Variants in PPFIA2 observed in about 807,000 individuals in gnomAD.
PPFIA2 encodes PPFI scaffold protein A2.
A neutral mutation model predicts 175.5 loss-of-function variants in PPFIA2; 46 were observed. That is an observed-to-expected ratio of 0.26 (90% CI 0.21 to 0.34). The LOEUF is 0.34. Among genes scored for constraint, PPFIA2 ranks in the 10% least tolerant of loss-of-function variants. PPFIA2 has a pLI of 1.00. For synonymous variants in PPFIA2, 568 were observed against 511.4 expected, an observed-to-expected ratio of 1.11 and a Z score of -1.49; for missense variants, 1,179 against 1,506.1, an observed-to-expected ratio of 0.78 and a Z score of 3.60.
rs539317039 is a variant in PPFIA2 at position 81,291,533 on chromosome 12, A to G, written c.2925+3302T>C. Among the ~76,000 whole-genome samples the G allele has an allele frequency of 9.9e-5, 15 of 152,128 alleles. No individual in the cohort carries two copies. In the South Asian group the frequency reaches 1.9e-3, roughly 19 times the overall value. The stretch of plus-strand genomic sequence containing the variant: ...ATATGTGGGTAGAGTGATCTATACA[A>G]TGATTATTTTAAGGTGAATATTTAC... On this transcript the variant is annotated intron_variant, in intron 24 of 32. Coordinates refer to ENST00000549396, the MANE Select transcript of PPFIA2 (RefSeq NM_003625.5).
chr12:81,349,961 C>G (rs1205503893), intron 17 of PPFIA2, among the ~76,000 whole-genome samples: 1 of 152,078 alleles, frequency 6.6e-6, no homozygotes, highest in Non-Finnish European at 1.5e-5. Flanking sequence ...AGCAGTTCAC[C>G]TGGTTTGAAT....
Position 81,269,208 on chromosome 12 carries a change from G to T in PPFIA2, c.3311-1121C>A, listed in dbSNP as rs1038473577. Among the ~76,000 whole-genome samples the T allele has an allele frequency of 9.9e-5, 15 of 151,898 alleles. No individual in the cohort carries two copies. The East Asian group carries it at 2.5e-3, about 25-fold the overall frequency. ...AATGCTATATAAAATGAGTAAAATA[G>T]TCCGAAGGACTAAAATTGTCCATAG... On this transcript the variant is annotated intron_variant, in intron 28 of 32. Coordinates refer to ENST00000549396, the MANE Select transcript of PPFIA2 (RefSeq NM_003625.5).
chr12:81,574,341 G>T (rs2073114335), intron 4 of PPFIA2, among the ~76,000 whole-genome samples: 1 of 151,638 alleles, frequency 6.6e-6, no homozygotes, highest in South Asian at 2.1e-4. Flanking sequence ...TTATACTTGA[G>T]TACTAAAATT....
chr12:81,568,230 A>T (rs1283139480), intron 4 of PPFIA2, among the ~76,000 whole-genome samples: 1 of 152,210 alleles, frequency 6.6e-6, no homozygotes, highest in African/African-American at 2.4e-5. Context: ...CTACTCTCTG[A>T]GATGACAGTG....
At chr12:81,741,339 GT>G (rs373730893) in intron 3 of PPFIA2, among the ~76,000 whole-genome samples, 1,664 of 149,128 alleles carry the variant, frequency 0.011, 25 homozygotes, top group African/African-American at 0.024. Flanking sequence ...ATATATGATA[GT>G]TTTTTTTTTA....
intron 3 of PPFIA2, among the ~76,000 whole-genome samples, chr12:81,704,262 A>G (rs566537472): frequency 6.6e-6 from 1 of 152,284 alleles, no homozygotes; most frequent in African/African-American, 2.4e-5. Context: ...TTTCAATATT[A>G]AACATAATTG....
At position 81,263,321 on chromosome 12, in the gene PPFIA2, T is replaced by C; in HGVS notation, c.3625A>G (p.Ile1209Val). 1 of 1,612,610 alleles carries C rather than the reference T, an allele frequency of 6.2e-7. No homozygotes were observed. The highest frequency in any genetic ancestry group is 1.1e-5 in the South Asian group (1 of 91,014). ...TCTGAGGACCCAGGCATCATGCTGA[T>C]TCCATGTACTTCACGAGGAGGAAAC... ...RQFPPREVHGISMMPGSSETL... is the reference protein window; with the variant it reads ...RQFPPREVHGVSMMPGSSETL... Residue 1209 changes from isoleucine to valine, a missense_variant, in exon 31 of 33, where the codon ATC becomes GTC. Physicochemically the swap from Ile to Val is conservative, Grantham distance 29. Transcript: ENST00000549396.
In PPFIA2 at chr12:81,283,037, T is replaced by C. The variant is rs1242173251; in HGVS notation, c.2991A>G (p.Lys997=). The C allele has an allele frequency of 2.5e-6, 4 of 1,611,894 alleles. No homozygotes were observed. Among genetic ancestry groups the C allele is most frequent in the Admixed American group, 1.7e-5 (1 of 59,852 alleles). ...MENLAAPAKT[K]ESEEGSWAQC... ...GGGCCCAGCTTCCTTCCTCAGATTC[T>C]TTCTGTGTTAGCAGCAGGAAATGAT... The change falls in exon 26 of 33, where the codon AAA becomes AAG. Residue 997 remains lysine (K), a splice_region_variant and synonymous_variant. Coordinates refer to ENST00000549396, the MANE Select transcript of PPFIA2 (RefSeq NM_003625.5).
intron 7 of PPFIA2, among the ~76,000 whole-genome samples, chr12:81,420,392 A>G (rs1039557300): frequency 6.6e-6 from 1 of 152,200 alleles, no homozygotes; most frequent in African/African-American, 2.4e-5. Flanking sequence ...AAAGAAGCTC[A>G]GCAAGCTACA....
chr12:81,729,128 C>T (rs2080488537), intron 3 of PPFIA2, among the ~76,000 whole-genome samples: 1 of 151,346 alleles, frequency 6.6e-6, no homozygotes, highest in Admixed American at 6.6e-5. Context: ...ATAAGTATTA[C>T]AATAAAAAAT....
intron 4 of PPFIA2, among the ~76,000 whole-genome samples, chr12:81,489,506 G>A (rs116981523): frequency 0.088 from 13,395 of 151,626 alleles, 816 homozygotes; most frequent in Middle Eastern, 0.14. Context: ...TTATGAACTG[G>A]GAGAAAAAGA....
chr12:81,632,882 C>T (rs2063554743), intron 4 of PPFIA2, among the ~76,000 whole-genome samples: 1 of 151,948 alleles, frequency 6.6e-6, no homozygotes, highest in African/African-American at 2.4e-5. Context: ...GCCCTGTGGA[C>T]CCTGGCATTC....
At chr12:81,484,622 A>G (rs2058619696) in intron 4 of PPFIA2, among the ~76,000 whole-genome samples, 1 of 152,018 alleles carries the variant, frequency 6.6e-6, no homozygotes, top group South Asian at 2.1e-4. Context: ...GAAATGAATT[A>G]CCATTAATAT....
At chr12:81,677,569 A>G (rs1042961150) in intron 3 of PPFIA2, among the ~76,000 whole-genome samples, 2 of 151,782 alleles carry the variant, frequency 1.3e-5, no homozygotes, top group African/African-American at 4.8e-5. Flanking sequence ...TTTTTTTTAT[A>G]GCTCTTACAT....
intron 22 of PPFIA2, among the ~76,000 whole-genome samples, chr12:81,300,988 CAATAT>C (rs145085307): frequency 0.02 from 3,093 of 152,056 alleles, 108 homozygotes; most frequent in African/African-American, 0.071. Flanking sequence ...CAATACAATA[CAATAT>C]AATACAATAC....
chr12:81,526,226 G>T (rs2063716271), intron 4 of PPFIA2, among the ~76,000 whole-genome samples: 1 of 152,110 alleles, frequency 6.6e-6, no homozygotes, highest in African/African-American at 2.4e-5. Flanking sequence ...TGTGATTTCA[G>T]TGAACCTCTT....
At chr12:81,661,405 T>C (rs2068842179) in intron 4 of PPFIA2, among the ~76,000 whole-genome samples, 1 of 152,172 alleles carries the variant, frequency 6.6e-6, no homozygotes, top group Admixed American at 6.6e-5. Context: ...AATCCTAGTC[T>C]CTGGTAAAAC....
In PPFIA2 at chr12:81,441,515, T is replaced by C. The variant is rs564633685; in HGVS notation, c.571-1469A>G. Among the ~76,000 whole-genome samples, 5 of 152,270 alleles carry C rather than the reference T, an allele frequency of 3.3e-5. No individual in the cohort carries two copies. The South Asian group carries it at 1.0e-3, about 31-fold the overall frequency. ...GAGATTAACTGCCAAGTATCATTCC[T>C]GTTAGACAAATATCCAATTGTTAAC... On this transcript the variant is annotated intron_variant, in intron 6 of 32. Coordinates refer to ENST00000549396, the MANE Select transcript of PPFIA2 (RefSeq NM_003625.5).
intron 4 of PPFIA2, among the ~76,000 whole-genome samples, chr12:81,631,975 G>T (rs537920545): frequency 6.6e-6 from 1 of 152,222 alleles, no homozygotes; most frequent in African/African-American, 2.4e-5. Flanking sequence ...TGTATTAAGT[G>T]TATAGCATTT....
Sources: allele counts gnomAD v4.1 joint callset (sites outside exome capture counted in the v4.1 genomes callset), GRCh38; gene constraint gnomAD v4.1.1; transcripts MANE v1.5; gene names NCBI Gene and HGNC (gene_info 2026-07-23, HGNC 2026-07-21).